The following ZNF487 variants were observed in gnomAD, a reference collection of about 807,000 sequenced individuals.
ZNF487 encodes KRAB domain only 1.
ZNF487 carries 4 observed loss-of-function variants against 3.0 expected under a neutral mutation model. That is an observed-to-expected ratio of 1.35 (90% CI 0.66 to 3.08). The LOEUF is 3.08. Among genes scored for constraint, ZNF487 ranks in the 30% most tolerant of loss-of-function variants. The probability of loss-of-function intolerance (pLI) is 0.01; values close to 1 mark genes in which losing one functional copy is unlikely to be tolerated. For missense variants in ZNF487, 146 were observed against 98.7 expected, an observed-to-expected ratio of 1.48 and a Z score of -2.03; for synonymous variants, 55 against 34.6, an observed-to-expected ratio of 1.59 and a Z score of -2.06.
At chr10:43,445,036 T>C (rs1839748445) in intron 1 of ZNF487, among the ~76,000 whole-genome samples, 1 of 152,218 alleles carries the variant, frequency 6.6e-6, no homozygotes, top group Non-Finnish European at 1.5e-5. Context: ...TTGGATTTTT[T>C]TTTCAGAAAT....
chr10:43,487,929 C>CAAAAAAAAAAAAAAAAAAAAAAA (rs76705594), downstream of ZNF487, among the ~76,000 whole-genome samples: 2 of 40,446 alleles, frequency 4.9e-5, no homozygotes, highest in Non-Finnish European at 9.0e-5. Flanking sequence ...TACCAAAATA[C>CAAAAAAAAAAAAAAAAAAAAAAA]AAAAAAAAAA....
the ZNF487 span, among the ~76,000 whole-genome samples, chr10:43,508,760 C>T: frequency 3.6e-4 from 54 of 152,074 alleles, no homozygotes; most frequent in Admixed American, 1.4e-3. Context: ...GCAGGAGAAT[C>T]GTTTGAACCT....
At chr10:43,459,943 AG>A (rs1840365157) in intron 1 of ZNF487, among the ~76,000 whole-genome samples, 1 of 151,704 alleles carries the variant, frequency 6.6e-6, no homozygotes, top group Non-Finnish European at 1.5e-5. Context: ...CTGGGACTAC[AG>A]GCGCCTGCCA....
rs59737279 is a variant in ZNF487 at position 43,450,136 on chromosome 10, C to T, written c.-94+12874C>T. ...TTGGCTCACTGCAACCTCCGCCTCTCGGGTTCAAGTGATTCTCCTGCATCA... is the reference window on the plus strand; with the variant it reads ...TTGGCTCACTGCAACCTCCGCCTCTTGGGTTCAAGTGATTCTCCTGCATCA... On this transcript the variant is annotated intron_variant, in intron 1 of 3. Coordinates refer to ENST00000437590, the MANE Select transcript of ZNF487 (RefSeq NM_001355444.3). Among the ~76,000 whole-genome samples the T allele has an allele frequency of 6.2e-3, 940 of 151,986 alleles. 9 individuals carry two copies. Among genetic ancestry groups the T allele is most frequent in the African/African-American group, 0.018 (743 of 41,432 alleles).
the ZNF487 span, among the ~76,000 whole-genome samples, chr10:43,511,962 AGCCAAACCATTG>A: frequency 3.3e-5 from 5 of 152,154 alleles, no homozygotes; most frequent in Non-Finnish European, 7.3e-5. Flanking sequence ...CTGACCATCC[AGCCAAACCATTG>A]GCTACAGCCA....
intron 1 of ZNF487, among the ~76,000 whole-genome samples, chr10:43,457,558 G>GAAA (rs1023956426): frequency 5.8e-5 from 8 of 136,986 alleles, no homozygotes; most frequent in South Asian, 2.3e-4. Context: ...CTGTCTTGGG[G>GAAA]AAAAAAAAAA....
At chr10:43,493,094 G>C in the ZNF487 span, among the ~76,000 whole-genome samples, 1 of 152,168 alleles carries the variant, frequency 6.6e-6, no homozygotes, top group Non-Finnish European at 1.5e-5. Flanking sequence ...GCTGGGTGTG[G>C]TGTCGCATGC....
intron 1 of ZNF487, chr10:43,453,290 T>A (rs991577671): frequency 6.6e-6 from 1 of 152,186 alleles, no homozygotes; most frequent in African/African-American, 2.4e-5. Context: ...ATACACAACA[T>A]GTGTATCACA....
chr10:43,441,034 A>ATTTTTTTTTTTTTTTTTT lies in ZNF487; in HGVS notation c.-94+3789_-94+3806dup, dbSNP rs763451709. On this transcript the variant is annotated intron_variant, in intron 1 of 3. Transcript: ENST00000437590. The stretch of plus-strand genomic sequence containing the variant: ...GGTAAATGCTACCACACCTGGTTAA[A>ATTTTTTTTTTTTTTTTTT]TTTTTTTTTTTTTTTTTTTTTTTTT... Among the ~76,000 whole-genome samples the ATTTTTTTTTTTTTTTTTT allele has an allele frequency of 1.1e-3, 48 of 44,548 alleles. 11 individuals carry two copies. The highest frequency in any genetic ancestry group is 4.2e-3 in the African/African-American group (40 of 9,418). 29.2% of individuals were successfully genotyped at this position (44,548 alleles called of 152,430 possible).
intron 1 of ZNF487, among the ~76,000 whole-genome samples, chr10:43,467,945 A>G (rs181187631): frequency 6.6e-6 from 1 of 152,326 alleles, no homozygotes; most frequent in Non-Finnish European, 1.5e-5. Flanking sequence ...AGATGCCACT[A>G]AGACCATTTA....
At chr10:43,448,708 CG>C (rs773929006) in intron 1 of ZNF487, among the ~76,000 whole-genome samples, 2 of 151,898 alleles carry the variant, frequency 1.3e-5, no homozygotes, top group Non-Finnish European at 2.9e-5. Context: ...TCCCAGCTAT[CG>C]GGGAGGCTGA....
chr10:43,441,018 T>G (rs1224608078), intron 1 of ZNF487, among the ~76,000 whole-genome samples: 4 of 133,198 alleles, frequency 3.0e-5, no homozygotes, highest in African/African-American at 1.1e-4. Context: ...AGGTAAATGC[T>G]ACCACACCTG....
chr10:43,454,274 C>G (rs150784476), intron 1 of ZNF487: 16 of 152,354 alleles, frequency 1.1e-4, no homozygotes, highest in African/African-American at 3.6e-4. Flanking sequence ...CTGGTCTCAA[C>G]TCCTGAGCTC....
chr10:43,442,615 T>A (rs554824998), intron 1 of ZNF487, among the ~76,000 whole-genome samples: 7 of 152,148 alleles, frequency 4.6e-5, no homozygotes, highest in Middle Eastern at 3.4e-3. Context: ...GGCTAATTTT[T>A]TGTATTTTTA....
At chr10:43,476,083 G>T (rs537970655) in intron 2 of ZNF487, 24 bp from the exon 3 acceptor site, 52 of 716,468 alleles carry the variant, frequency 7.3e-5, no homozygotes, top group Middle Eastern at 6.9e-4. Context: ...TCTGGCCCAC[G>T]TCCTGTGTCA....
At chr10:43,493,705 AAAAAATATATATAT>A in the ZNF487 span, among the ~76,000 whole-genome samples, 893 of 73,186 alleles carry the variant, frequency 0.012, 56 homozygotes, top group Admixed American at 0.029. Flanking sequence ...GAAAAAAAAA[AAAAAATATATATAT>A]ATATATATAT....
At chr10:43,465,634 G>T (rs1315191336) in intron 1 of ZNF487, among the ~76,000 whole-genome samples, 1 of 151,976 alleles carries the variant, frequency 6.6e-6, no homozygotes, top group Non-Finnish European at 1.5e-5. Flanking sequence ...TGGGATGGCA[G>T]CCGGGAAGAG....
chr10:43,490,075 G>A, the ZNF487 span, among the ~76,000 whole-genome samples: 12 of 152,316 alleles, frequency 7.9e-5, no homozygotes, highest in South Asian at 2.1e-4. Context: ...TGAGGCCGGC[G>A]TGGTGGCTCA....
chr10:43,487,702 T>A (rs1029228656), downstream of ZNF487, among the ~76,000 whole-genome samples: 6 of 151,800 alleles, frequency 4.0e-5, no homozygotes, highest in Non-Finnish European at 8.8e-5. Context: ...TCCCCCAGCC[T>A]GGGCCTCCCA....
Sources: gnomAD v4.1 joint callset for allele counts (sites outside exome capture counted in the v4.1 genomes callset) on GRCh38, gnomAD v4.1.1 for gene constraint, MANE v1.5 for transcripts, NCBI Gene and HGNC (gene_info 2026-07-23, HGNC 2026-07-21) for gene names.